Variants in ALKBH5 observed in about 807,000 individuals in gnomAD.
ALKBH5 encodes the protein RNA demethylase ALKBH5.
ALKBH5 carries 2 observed loss-of-function variants against 32.1 expected under a neutral mutation model. The ratio of observed to expected loss-of-function variants is 0.06; its 90% CI spans 0.03 to 0.20. ALKBH5 has a LOEUF of 0.20. Ranked by LOEUF, ALKBH5 falls within the 10% of genes least tolerant of loss-of-function variation. The pLI, the probability that ALKBH5 is intolerant of heterozygous loss-of-function variation, is 1.00. For synonymous variants in ALKBH5, 300 were observed against 231.7 expected, an observed-to-expected ratio of 1.29 and a Z score of -2.68; for missense variants, 352 against 559.5, an observed-to-expected ratio of 0.63 and a Z score of 3.74.
chr17:18,194,117 C>A (rs924583286), intron 1 of ALKBH5, among the ~76,000 whole-genome samples: 1 of 125,682 alleles, frequency 8.0e-6, no homozygotes, highest in Admixed American at 1.1e-4. Context: ...AAACAGATAT[C>A]TGAGTATGAT....
At chr17:18,201,736 C>G (rs1025377107) in intron 2 of ALKBH5, among the ~76,000 whole-genome samples, 11 of 132,290 alleles carry the variant, frequency 8.3e-5, no homozygotes, top group Admixed American at 1.6e-4. Context: ...CAGGGTGAGA[C>G]TCCATCTTAG....
Position 18,183,905 on chromosome 17 carries a change from G to A in ALKBH5, c.-339G>A, listed in dbSNP as rs1597834268. ...CGTCGTGCGGAGAGCTTTAAAGTGCGGGCCGGGCCGGGCGTCCGAGGGTCT... is the reference window on the plus strand; with the variant it reads ...CGTCGTGCGGAGAGCTTTAAAGTGCAGGCCGGGCCGGGCGTCCGAGGGTCT... On this transcript the variant is annotated 5_prime_UTR_variant, in exon 1 of 4. Coordinates refer to ENST00000399138, the MANE Select transcript of ALKBH5 (RefSeq NM_017758.4). 2 of 498,176 alleles carry A rather than the reference G, an allele frequency of 4.0e-6. No homozygotes were observed. The highest frequency in any genetic ancestry group is 2.5e-5 in the Admixed American group (1 of 39,972). The allele number at this position is 498,176 out of a possible 1,614,324, so 30.9% of individuals were successfully genotyped here. A position where few individuals can be genotyped will look rare whatever the true frequency, so the allele number is the denominator to read the frequency against.
rs143036715 is a variant in ALKBH5 at position 18,203,724 on chromosome 17, A to G, written c.852-3091A>G. On this transcript the variant is annotated intron_variant, in intron 2 of 3. Coordinates refer to ENST00000399138, the MANE Select transcript of ALKBH5 (RefSeq NM_017758.4). ...CAGGGGCATGTTCTGAAGTTAAGCT[A>G]CTGGTGGGCACTGGGCTTGGAGTCA... is the stretch of plus-strand genomic sequence containing the variant. 1.2e-4 allele frequency among the ~76,000 whole-genome samples: 19 copies of G among 152,334 alleles called. No homozygotes were observed. The East Asian group carries it at 3.7e-3, about 29-fold the overall frequency.
intron 3 of ALKBH5, among the ~76,000 whole-genome samples, chr17:18,207,756 G>C (rs1404729108): frequency 3.9e-5 from 6 of 152,164 alleles, no homozygotes; most frequent in Admixed American, 3.9e-4. Flanking sequence ...ACATGGAAGA[G>C]CATTCTAGGC....
intron 2 of ALKBH5, among the ~76,000 whole-genome samples, chr17:18,202,335 A>AG (rs2047246917): frequency 6.6e-6 from 1 of 152,060 alleles, no homozygotes; most frequent in Non-Finnish European, 1.5e-5. Flanking sequence ...ACAAAAAAAA[A>AG]CAGAAGTCTG....
Position 18,183,855 on chromosome 17 carries a change from C to T in ALKBH5, c.-389C>T. On this transcript the variant is annotated 5_prime_UTR_variant, in exon 1 of 4. Coordinates refer to ENST00000399138, the MANE Select transcript of ALKBH5 (RefSeq NM_017758.4). ...GGAGCCCGCTAAGGAGCGGCGCTGGCGGACGTCGGGCTGGCTGCCCGTGAC... is the reference window on the plus strand; with the variant it reads ...GGAGCCCGCTAAGGAGCGGCGCTGGTGGACGTCGGGCTGGCTGCCCGTGAC... 3 of 337,904 alleles carry T rather than the reference C, an allele frequency of 8.9e-6. No homozygotes were observed. The highest frequency in any genetic ancestry group is 2.3e-5 in the African/African-American group (1 of 43,974). 20.9% of individuals were successfully genotyped at this position (337,904 alleles called of 1,614,324 possible). A position where few individuals can be genotyped will look rare whatever the true frequency, so the allele number is the denominator to read the frequency against.
intron 2 of ALKBH5, among the ~76,000 whole-genome samples, chr17:18,196,331 C>T (rs1010504657): frequency 4.6e-5 from 7 of 151,668 alleles, no homozygotes; most frequent in African/African-American, 1.5e-4. Context: ...CAAGTGATTT[C>T]GTGTCTCAGC....
Position 18,208,261 on chromosome 17 carries a change from G to A in ALKBH5, c.1050G>A (p.Ser350=), listed in dbSNP as rs374805980. 87 of 1,613,472 alleles carry A rather than the reference G, an allele frequency of 5.4e-5. No homozygotes were observed. The Middle Eastern group carries it at 8.3e-4, about 15-fold the overall frequency. Reference sequence around the variant, plus strand: ...TGGACAAGGAAGAGAACCGGCGCTCGGTGCTGCTGCCCACACACCGGCGGA... The same window carrying A: ...TGGACAAGGAAGAGAACCGGCGCTCAGTGCTGCTGCCCACACACCGGCGGA... ...LEMDKEENRR[S]VLLPTHRRRG... Residue 350 remains serine, a synonymous_variant, in exon 4 of 4, where the codon TCG becomes TCA. Transcript: ENST00000399138.
At chr17:18,201,831 AGATAGATGATAGATAGATTGATTGATT>A (rs1373707332) in intron 2 of ALKBH5, among the ~76,000 whole-genome samples, 2 of 106,384 alleles carry the variant, frequency 1.9e-5, no homozygotes, top group Non-Finnish European at 4.2e-5. Context: ...ATAGATAGAT[AGATAGATGATAGATAGATTGATTGATT>A]GATTTAAAAA....
Position 18,209,224 on chromosome 17 carries a change from A to G in ALKBH5, c.*828A>G, listed in dbSNP as rs1597844651. The G allele has an allele frequency of 6.5e-6, 1 of 152,716 alleles. No individual in the cohort carries two copies. Among genetic ancestry groups the G allele is most frequent in the African/African-American group, 2.4e-5 (1 of 41,476 alleles). The allele number at this position is 152,716 out of a possible 1,614,324, so 9.5% of individuals were successfully genotyped here. On this transcript the variant is annotated 3_prime_UTR_variant, in exon 4 of 4. Transcript: ENST00000399138. ...AGTTTTAGAAATTGTTTCTAGCTAG[A>G]GGGACTGGTGTCCTTCCAAGTCTAG...
intron 1 of ALKBH5, among the ~76,000 whole-genome samples, chr17:18,188,472 T>G (rs980662630): frequency 2.6e-5 from 4 of 152,256 alleles, no homozygotes; most frequent in African/African-American, 9.6e-5. Context: ...GATAGTCTGA[T>G]CTTGTTCAGC....
chr17:18,190,161 G>T (rs2047165095), intron 1 of ALKBH5, among the ~76,000 whole-genome samples: 2 of 152,352 alleles, frequency 1.3e-5, no homozygotes, highest in South Asian at 4.1e-4. Context: ...GGAGTAGATG[G>T]AAAATGGTGG....
At chr17:18,194,484 T>C (rs1395208642) in intron 1 of ALKBH5, among the ~76,000 whole-genome samples, 1 of 152,068 alleles carries the variant, frequency 6.6e-6, no homozygotes, top group Non-Finnish European at 1.5e-5. Flanking sequence ...AACACAACTG[T>C]CTTCAAAATT....
Position 18,209,644 on chromosome 17 carries a change from G to A in ALKBH5, c.*1248G>A, listed in dbSNP as rs764968554. ...CTTCTTGTCAGCCAGGCCAGGACCC[G>A]GGCTTGCCAAGAGCAGAGGCCCTCC... On this transcript the variant is annotated 3_prime_UTR_variant, in exon 4 of 4. Coordinates refer to ENST00000399138, the MANE Select transcript of ALKBH5 (RefSeq NM_017758.4). The A allele has an allele frequency of 1.3e-5, 2 of 152,294 alleles. No homozygotes were observed. Among genetic ancestry groups the A allele is most frequent in the Non-Finnish European group, 2.9e-5 (2 of 68,078 alleles). The allele number at this position is 152,294 out of a possible 1,614,324, so 9.4% of individuals were successfully genotyped here.
rs1036543356 is a variant in ALKBH5, at chr17:18,197,803, G to A, written c.851+2768G>A. Among the ~76,000 whole-genome samples the A allele has an allele frequency of 1.3e-5, 2 of 152,212 alleles. 1 individual carries two copies. Among genetic ancestry groups the A allele is most frequent in the Admixed American group, 1.3e-4 (2 of 15,280 alleles). ...GAAGCTCTTCTACCTTCTGACTTCA[G>A]TGGGCCCAGGAACCATTCACAGACT... On this transcript the variant is annotated intron_variant, in intron 2 of 3. Coordinates refer to ENST00000399138, the MANE Select transcript of ALKBH5 (RefSeq NM_017758.4).
At chr17:18,207,837 T>C (rs1419519482) in intron 3 of ALKBH5, among the ~76,000 whole-genome samples, 1 of 151,676 alleles carries the variant, frequency 6.6e-6, no homozygotes, top group Non-Finnish European at 1.5e-5. Context: ...ATGGGGTTAG[T>C]AAGTGGAGAA....
chr17:18,201,524 G>A (rs559322020), intron 2 of ALKBH5, among the ~76,000 whole-genome samples: 2 of 152,310 alleles, frequency 1.3e-5, no homozygotes, highest in Admixed American at 6.5e-5. Flanking sequence ...TTGGGAAGCC[G>A]AGGTGGGCGG....
At position 18,184,670 on chromosome 17, in the gene ALKBH5, G is replaced by T; in HGVS notation, c.427G>T (p.Ala143Ser). Residue 143 changes from alanine (A) to serine (S), a missense_variant, in exon 1 of 4, where the codon GCC becomes TCC. Ala to Ser is a moderately conservative substitution (Grantham distance 99, BLOSUM62 1). Around this residue, in one of 4 missense-constraint regions of ALKBH5, gnomAD observed 56 missense variants for 238.1 expected, o/e 0.24. Coordinates refer to ENST00000399138, the MANE Select transcript of ALKBH5 (RefSeq NM_017758.4). The part of the protein sequence containing the change: ...YFFGEGYTYG[A>S]QLQKRGPGQE... ...CTTCGGCGAAGGCTACACTTACGGC[G>T]CCCAGCTGCAGAAGCGCGGGCCCGG... 1.2e-6 allele frequency: 2 copies of T among 1,612,694 alleles called. No homozygotes were observed. Among genetic ancestry groups the T allele is most frequent in the Non-Finnish European group, 1.7e-6 (2 of 1,179,550 alleles).
At chr17:18,207,239 C>G (rs1476808995) in intron 3 of ALKBH5, among the ~76,000 whole-genome samples, 2 of 152,150 alleles carry the variant, frequency 1.3e-5, no homozygotes, top group Non-Finnish European at 2.9e-5. Context: ...TCAGTCTCAC[C>G]CAGACACCCT....
Sources: allele counts gnomAD v4.1 joint callset (sites outside exome capture counted in the v4.1 genomes callset), GRCh38; gene constraint gnomAD v4.1.1; regional missense constraint gnomAD v4.1.1; transcripts MANE v1.5; gene names NCBI Gene and HGNC (gene_info 2026-07-23, HGNC 2026-07-21).